Variants in ACOT1 observed in about 807,000 individuals in gnomAD.
ACOT1 encodes the protein acyl-coenzyme A thioesterase 1.
ACOT1 carries 8 observed loss-of-function variants against 15.7 expected under a neutral mutation model. The ratio of observed to expected loss-of-function variants is 0.51; its 90% CI spans 0.30 to 0.92. The LOEUF (loss-of-function observed/expected upper bound fraction) is 0.92, where lower values mean the gene tolerates loss of function less well. Ranked by LOEUF, ACOT1 falls within the 40% of genes least tolerant of loss-of-function variation. The pLI, the probability that ACOT1 is intolerant of heterozygous loss-of-function variation, is 0.06. For missense variants in ACOT1, 151 were observed against 539.4 expected, an observed-to-expected ratio of 0.28 and a Z score of 7.13; for synonymous variants, 67 against 241.2, an observed-to-expected ratio of 0.28 and a Z score of 6.69.
At chr14:73,508,327 G>A in the ACOT1 span, 1 of 1,607,664 alleles carries the variant, frequency 6.2e-7, no homozygotes, top group Non-Finnish European at 8.5e-7. Flanking sequence ...AGTTCAGAAT[G>A]GTGATGTGTT....
the ACOT1 span, among the ~76,000 whole-genome samples, chr14:73,524,310 A>AATATATATATATATATATATAT: frequency 9.1e-5 from 5 of 54,768 alleles, no homozygotes; most frequent in Admixed American, 2.8e-4. Context: ...AAAAAAAAAA[A>AATATATATATATATATATATAT]ATATATATAT....
chr14:73,507,229 A>C, the ACOT1 span, among the ~76,000 whole-genome samples: 1 of 152,248 alleles, frequency 6.6e-6, no homozygotes, highest in Admixed American at 6.5e-5. Flanking sequence ...GTAAACTTCT[A>C]GCAGAAGCAA....
At chr14:73,514,316 C>T in the ACOT1 span, 1 of 1,293,098 alleles carries the variant, frequency 7.7e-7, no homozygotes, top group Non-Finnish European at 1.1e-6. Flanking sequence ...GCATCCCATT[C>T]CTATTCCTGA....
the ACOT1 span, chr14:73,492,058 C>T: frequency 6.2e-7 from 1 of 1,613,996 alleles, no homozygotes; most frequent in Non-Finnish European, 8.5e-7. The surrounding 1 kb of genome is among the most constrained non-coding windows in gnomAD (Gnocchi z 4.9). Context: ...TCGAGGCCTT[C>T]GTGCTGCAGC....
chr14:73,508,019 T>C, the ACOT1 span: 1 of 974,154 alleles, frequency 1.0e-6, no homozygotes, highest in Non-Finnish European at 1.6e-6. Flanking sequence ...GTGTTGGGAT[T>C]ACAGGCATAA....
chr14:73,517,994 G>T, the ACOT1 span, among the ~76,000 whole-genome samples: 7 of 152,194 alleles, frequency 4.6e-5, no homozygotes, highest in African/African-American at 1.7e-4. Flanking sequence ...GCAGAGGCAG[G>T]AGAATCACTT....
the ACOT1 span, among the ~76,000 whole-genome samples, chr14:73,508,710 C>A: frequency 1.5e-5 from 2 of 129,042 alleles, no homozygotes; most frequent in African/African-American, 5.9e-5. Flanking sequence ...GAGATCCCAC[C>A]ATTGCACTCC....
chr14:73,500,560 C>T, the ACOT1 span: 25 of 1,612,634 alleles, frequency 1.6e-5, no homozygotes, highest in East Asian at 8.9e-5. Flanking sequence ...CATCTTGTCG[C>T]GGATCTGCAG....
chr14:73,529,549 T>C, the ACOT1 span, among the ~76,000 whole-genome samples: 1 of 152,010 alleles, frequency 6.6e-6, no homozygotes. Flanking sequence ...CTAGAAAATG[T>C]AGGAGTTGGA....
At chr14:73,523,144 C>A in the ACOT1 span, 1 of 1,591,636 alleles carries the variant, frequency 6.3e-7, no homozygotes, top group Non-Finnish European at 8.5e-7. Context: ...CCTTCTGGGT[C>A]CTGGTCATAC....
upstream of ACOT1, among the ~76,000 whole-genome samples, chr14:73,532,305 A>G (rs1888730176): frequency 8.6e-6 from 1 of 116,048 alleles, no homozygotes; most frequent in African/African-American, 2.8e-5. Flanking sequence ...TGGCTAGATT[A>G]TTAGCCATTA....
chr14:73,538,440 C>A (rs549029197), intron 1 of ACOT1, among the ~76,000 whole-genome samples: 1 of 112,214 alleles, frequency 8.9e-6, no homozygotes, highest in South Asian at 2.8e-4. Flanking sequence ...GGTGAAAACT[C>A]GTCTCTACTA....
chr14:73,508,192 T>G, the ACOT1 span: 1 of 1,614,142 alleles, frequency 6.2e-7, no homozygotes, highest in Non-Finnish European at 8.5e-7. Flanking sequence ...GTCCTCATTC[T>G]TCTTTGTAAA....
At chr14:73,511,929 TG>T in the ACOT1 span, 70 of 1,578,890 alleles carry the variant, frequency 4.4e-5, no homozygotes, top group South Asian at 6.7e-4. Flanking sequence ...AGATAAGCCC[TG>T]GGTCCCTACC....
At chr14:73,492,361 GGAGTTTCGGAGGGGTCTGCCCC>G in the ACOT1 span, 1 of 1,613,910 alleles carries the variant, frequency 6.2e-7, no homozygotes, top group Non-Finnish European at 8.5e-7. This position sits in a 1 kb window ranked among gnomAD's most constrained non-coding sequence, Gnocchi z 4.9. Flanking sequence ...AAGAAAATGT[GGAGTTTCGGAGGGGTCTGCCCC>G]GAGACTTCAT....
the ACOT1 span, chr14:73,496,670 G>A: frequency 1.3e-6 from 2 of 1,566,336 alleles, no homozygotes; most frequent in Non-Finnish European, 8.8e-7. Context: ...TCATTGTCTG[G>A]TACATTTCTC....
chr14:73,524,609 G>C, the ACOT1 span, among the ~76,000 whole-genome samples: 1 of 150,116 alleles, frequency 6.7e-6, no homozygotes, highest in Non-Finnish European at 1.5e-5. Context: ...CAGAGAGGTA[G>C]GTAAATTGCT....
At chr14:73,531,640 C>T in the ACOT1 span, among the ~76,000 whole-genome samples, 2 of 110,416 alleles carry the variant, frequency 1.8e-5, 1 homozygote, top group Non-Finnish European at 3.9e-5. Flanking sequence ...AACTCCTGAC[C>T]TCAAGTGATG....
At chr14:73,514,356 G>T in the ACOT1 span, 1 of 799,956 alleles carries the variant, frequency 1.3e-6, no homozygotes, top group Non-Finnish European at 2.0e-6. Flanking sequence ...AAACCCTCAA[G>T]AGTGAATTTC....
Sources: gnomAD v4.1 joint callset for allele counts (sites outside exome capture counted in the v4.1 genomes callset) on GRCh38, gnomAD v4.1.1 for gene constraint, Gnocchi (gnomAD v3.1) non-coding constraint, MANE v1.5 for transcripts, NCBI Gene and HGNC (gene_info 2026-07-23, HGNC 2026-07-21) for gene names.